The following NECAB2 variants were observed in gnomAD, a reference collection of about 807,000 sequenced individuals.
The protein encoded by NECAB2 is N-terminal EF-hand calcium-binding protein 2.
In NECAB2, 68 loss-of-function variants were observed where a neutral mutation model predicts 51.9. The observed-to-expected ratio is 1.31, with a 90% CI of 1.08 to 1.60. The LOEUF is 1.60. NECAB2 is among the 40% of genes most tolerant of loss of function. The probability of loss-of-function intolerance (pLI) is 0.00; values close to 1 mark genes in which losing one functional copy is unlikely to be tolerated. For missense variants in NECAB2, 854 were observed against 490.3 expected, an observed-to-expected ratio of 1.74 and a Z score of -7.00; for synonymous variants, 329 against 203.5, an observed-to-expected ratio of 1.62 and a Z score of -5.25.
In NECAB2 at chr16:83,992,194, G is replaced by A. The variant is rs184425544; in HGVS notation, c.596+1564G>A. Among the ~76,000 whole-genome samples, 22 of 125,100 alleles carry A rather than the reference G, an allele frequency of 1.8e-4. No individual in the cohort carries two copies. In the East Asian group the frequency reaches 4.4e-3, roughly 25 times the overall value. 82.1% of individuals were successfully genotyped at this position (125,100 alleles called of 152,430 possible). Reference sequence around the variant, plus strand: ...TTCTCAGGAGGACTGAAAGAGACGTGAAAGAGGAGTGTTTCTTTCTGGTCT... The same window carrying A: ...TTCTCAGGAGGACTGAAAGAGACGTAAAAGAGGAGTGTTTCTTTCTGGTCT... On this transcript the variant is annotated intron_variant, in intron 6 of 12. Transcript: ENST00000305202.
chr16:83,982,899 C>G (rs1427460858), intron 5 of NECAB2, among the ~76,000 whole-genome samples: 1 of 150,798 alleles, frequency 6.6e-6, no homozygotes, highest in Non-Finnish European at 1.5e-5. Context: ...GAGACAGAGT[C>G]TCACTCTTGT....
At chr16:83,997,936 G>A (rs540495251) in intron 9 of NECAB2, among the ~76,000 whole-genome samples, 1 of 152,312 alleles carries the variant, frequency 6.6e-6, no homozygotes, top group East Asian at 1.9e-4. Flanking sequence ...TGGAGGCTGT[G>A]CAGGTGGTTG....
At chr16:83,993,064 T>C (rs2084646662) in intron 6 of NECAB2, among the ~76,000 whole-genome samples, 1 of 152,112 alleles carries the variant, frequency 6.6e-6, no homozygotes, top group South Asian at 2.1e-4. Context: ...CGGGGCAGCT[T>C]GTCGTGATAC....
At chr16:83,972,311 C>T in intron 2 of NECAB2, 136 bp downstream of exon 2, 3 of 1,236,338 alleles carry the variant, frequency 2.4e-6, no homozygotes, top group Non-Finnish European at 3.5e-6. Context: ...GTTAGAAGGC[C>T]AAATCCTGCT....
chr16:84,001,232 G>A (rs558817395), intron 11 of NECAB2, among the ~76,000 whole-genome samples: 6 of 151,904 alleles, frequency 3.9e-5, no homozygotes, highest in African/African-American at 1.5e-4. Context: ...TAGGGTGTCA[G>A]CAGCTCTGAT....
intron 9 of NECAB2, among the ~76,000 whole-genome samples, chr16:83,997,479 C>CTTT (rs11296947): frequency 0.034 from 1,821 of 53,326 alleles, 309 homozygotes; most frequent in Non-Finnish European, 0.048. Context: ...CTCCCTGGAC[C>CTTT]TTTTTTTTTT....
chr16:84,001,395 C>G (rs999166497), intron 11 of NECAB2, among the ~76,000 whole-genome samples: 2 of 152,160 alleles, frequency 1.3e-5, no homozygotes, highest in African/African-American at 4.8e-5. Flanking sequence ...GGTTTGCTGA[C>G]AAACTCAGGA....
chr16:84,001,832 C>T lies in NECAB2; in HGVS notation c.1048C>T (p.Gln350Ter), dbSNP rs764155693. 7.4e-6 allele frequency: 12 copies of T among 1,613,980 alleles called. No homozygotes were observed. The highest frequency in any genetic ancestry group is 2.7e-5 in the African/African-American group (2 of 74,934). ...ETEEAWKRHL[Q>*]SPLCKAFRHV... Reference sequence around the variant, plus strand: ...CATGTCCCTGCGTCACAGGCACCTGCAGAGCCCCCTGTGTAAGGCGTTCCG... The same window carrying T: ...CATGTCCCTGCGTCACAGGCACCTGTAGAGCCCCCTGTGTAAGGCGTTCCG... The change falls in exon 12 of 13, where the codon CAG (glutamine) becomes TAG (stop). Residue 350 changes from glutamine (Q) to a stop codon, truncating the protein, a stop_gained. Coordinates refer to ENST00000305202, the MANE Select transcript of NECAB2 (RefSeq NM_019065.3). LOFTEE classifies it high-confidence loss of function.
At chr16:83,988,911 T>C (rs1481150227) in intron 5 of NECAB2, among the ~76,000 whole-genome samples, 1 of 152,166 alleles carries the variant, frequency 6.6e-6, no homozygotes, top group African/African-American at 2.4e-5. Flanking sequence ...TATCTTTACA[T>C]GGGGGAATGT....
At chr16:83,999,254 G>A (rs1259410837) in intron 10 of NECAB2, among the ~76,000 whole-genome samples, 3 of 149,102 alleles carry the variant, frequency 2.0e-5, no homozygotes, top group South Asian at 2.1e-4. Context: ...CCATTCTTGA[G>A]TAAGTAGCCA....
chr16:83,979,009 T>C (rs1209073870), intron 3 of NECAB2, among the ~76,000 whole-genome samples: 2 of 152,164 alleles, frequency 1.3e-5, no homozygotes, highest in East Asian at 3.9e-4. Context: ...ACGTCTATCA[T>C]TATAGCTTAT....
intron 2 of NECAB2, among the ~76,000 whole-genome samples, chr16:83,974,082 C>A (rs993781934): frequency 6.6e-6 from 1 of 152,020 alleles, no homozygotes; most frequent in Admixed American, 6.5e-5. Flanking sequence ...CTTACTGCAG[C>A]CTCCTCAAAG....
upstream of NECAB2, chr16:83,965,458 G>C (rs755228806): frequency 2.5e-6 from 4 of 1,601,076 alleles, no homozygotes; most frequent in Admixed American, 6.7e-5. Flanking sequence ...GCGCGGGGCT[G>C]TCAGCGGCCG....
intron 1 of NECAB2, among the ~76,000 whole-genome samples, chr16:83,970,816 G>C (rs2084339604): frequency 6.6e-6 from 1 of 152,218 alleles, no homozygotes; most frequent in African/African-American, 2.4e-5. Flanking sequence ...TGGTGGGCAG[G>C]GCGCCGTGGC....
In NECAB2 at chr16:83,991,294, T is replaced by G. The variant is rs1597215868; in HGVS notation, c.596+664T>G. On this transcript the variant is annotated intron_variant, in intron 6 of 12. Coordinates refer to ENST00000305202, the MANE Select transcript of NECAB2 (RefSeq NM_019065.3). ...CACCACAGCTAGCCTATTTTCTCTT[T>G]CTCTCTCTCTCTTTCTTTCTCTCTT... is the stretch of plus-strand genomic sequence containing the variant. 2.6e-5 allele frequency among the ~76,000 whole-genome samples: 4 copies of G among 151,646 alleles called. No homozygotes were observed. The South Asian group carries it at 8.3e-4, about 32-fold the overall frequency.
chr16:83,997,664 T>C (rs571785388), intron 9 of NECAB2, among the ~76,000 whole-genome samples: 1 of 150,516 alleles, frequency 6.6e-6, no homozygotes, highest in Non-Finnish European at 1.5e-5. Flanking sequence ...ATTTTTTTGG[T>C]ATTTTTAGTA....
chr16:83,979,488 C>A (rs552355911), intron 3 of NECAB2, among the ~76,000 whole-genome samples: 1 of 152,128 alleles, frequency 6.6e-6, no homozygotes, highest in Non-Finnish European at 1.5e-5. Context: ...GGAGCAGATA[C>A]CATCCTCTGG....
intron 10 of NECAB2, among the ~76,000 whole-genome samples, chr16:84,000,118 C>G (rs924684073): frequency 3.9e-5 from 6 of 151,958 alleles, no homozygotes; most frequent in African/African-American, 9.7e-5. Context: ...TCTTGAACTC[C>G]TGACCTCACG....
rs199754271 is a variant in NECAB2, at chr16:83,998,228, G to C, written c.873G>C (p.Glu291Asp). The change falls in exon 10 of 13, where the codon GAG (glutamate) becomes GAC (aspartate). Residue 291 changes from glutamate (E) to aspartate (D), a missense_variant. By Grantham distance (45) the Glu-to-Asp change is conservative (BLOSUM62 2). Coordinates refer to ENST00000305202, the MANE Select transcript of NECAB2 (RefSeq NM_019065.3). The stretch of plus-strand genomic sequence containing the variant: ...AGCACCTGCAGCTGGTCCGGCAGGA[G>C]ATGGCCGTGTGCCCCGAGCAACTGA... ...TNMHLQLVRQ[E>D]MAVCPEQLSE... 6.2e-7 allele frequency: 1 copy of C among 1,611,464 alleles called. No homozygotes were observed. The highest frequency in any genetic ancestry group is 8.5e-7 in the Non-Finnish European group (1 of 1,180,016).
Sources: gnomAD v4.1 joint callset for allele counts (sites outside exome capture counted in the v4.1 genomes callset) on GRCh38, gnomAD v4.1.1 for gene constraint, MANE v1.5 for transcripts, NCBI Gene and HGNC (gene_info 2026-07-23, HGNC 2026-07-21) for gene names.